The following ST7L variants were observed in gnomAD, a reference collection of about 807,000 sequenced individuals.
ST7L encodes the protein suppressor of tumorigenicity 7 protein-like.
A neutral mutation model predicts 72.5 loss-of-function variants in ST7L; 57 were observed. The ratio of observed to expected loss-of-function variants is 0.79; its 90% CI spans 0.64 to 0.98. The LOEUF (loss-of-function observed/expected upper bound fraction) is 0.98. Among genes scored for constraint, ST7L ranks in the 50% least tolerant of loss-of-function variants. The probability of loss-of-function intolerance (pLI) is 0.00; values close to 1 mark genes in which losing one functional copy is unlikely to be tolerated. For synonymous variants in ST7L, 221 were observed against 240.9 expected (o/e 0.92, Z 0.77); for missense variants, 576 against 672.2 (o/e 0.86, Z 1.58).
intron 10 of ST7L, 46 bp from the exon 11 acceptor site, chr1:112,577,134 GA>G (rs762740227): frequency 9.4e-5 from 119 of 1,263,972 alleles, no homozygotes; most frequent in African/African-American, 3.4e-4. Flanking sequence ...CTAAAAAAAA[GA>G]AAAAAAGTAT....
At chr1:112,520,404 C>A, downstream of ST7L, 7 of 1,614,164 alleles carry the variant, frequency 4.3e-6, no homozygotes, top group Non-Finnish European at 5.9e-6. Flanking sequence ...AGTGTGAGTG[C>A]AAATTCCACT....
chr1:112,603,950 G>T (rs889756639), intron 3 of ST7L, among the ~76,000 whole-genome samples: 1 of 152,100 alleles, frequency 6.6e-6, no homozygotes, highest in African/African-American at 2.4e-5. Context: ...TGAATTTTGG[G>T]GAACACAATT....
chr1:112,614,296 G>C (rs1351865295), intron 2 of ST7L, among the ~76,000 whole-genome samples: 3 of 152,102 alleles, frequency 2.0e-5, no homozygotes, highest in African/African-American at 7.2e-5. Flanking sequence ...TGCCCAGGCT[G>C]GTCTCAAACT....
At chr1:112,579,409 A>G (rs1663746409) in intron 9 of ST7L, among the ~76,000 whole-genome samples, 1 of 151,260 alleles carries the variant, frequency 6.6e-6, no homozygotes, top group African/African-American at 2.4e-5. Context: ...AACAATAAAA[A>G]AAAAACCTGC....
At chr1:112,560,654 T>C (rs1659962873) in intron 11 of ST7L, among the ~76,000 whole-genome samples, 1 of 152,002 alleles carries the variant, frequency 6.6e-6, no homozygotes, top group Non-Finnish European at 1.5e-5. Flanking sequence ...CATATTACAC[T>C]AAAAGCAAGT....
intron 11 of ST7L, among the ~76,000 whole-genome samples, chr1:112,575,216 G>A (rs951029869): frequency 1.3e-5 from 2 of 152,160 alleles, no homozygotes; most frequent in Non-Finnish European, 2.9e-5. Context: ...TCCAGCTTGG[G>A]CGAAAGCAAA....
At chr1:112,542,169 T>C (rs1656208660) in intron 13 of ST7L, 79 bp from the exon 14 acceptor site, 1 of 1,373,408 alleles carries the variant, frequency 7.3e-7, no homozygotes, top group Non-Finnish European at 9.7e-7. Flanking sequence ...AAATGAAATC[T>C]GTTTTTAAAA....
chr1:112,582,605 G>A (rs2101882675), intron 7 of ST7L, 133 bp from the exon 8 acceptor site: 1 of 523,390 alleles, frequency 1.9e-6, no homozygotes, highest in East Asian at 3.0e-5. Flanking sequence ...CAGAATGGAA[G>A]AATATTAATG....
chr1:112,581,946 A>G (rs765488837), intron 9 of ST7L, 46 bp downstream of exon 9: 1 of 1,232,576 alleles, frequency 8.1e-7, no homozygotes, highest in Non-Finnish European at 1.2e-6. Context: ...TAATTACATA[A>G]TTGGAAAAGA....
chr1:112,607,183 G>A (rs1668376201), intron 3 of ST7L: 1 of 152,074 alleles, frequency 6.6e-6, no homozygotes, highest in South Asian at 2.1e-4. Context: ...ACCTAGTAAG[G>A]AGAGAGTATG....
chr1:112,523,708 T>A lies in ST7L; in HGVS notation c.*2305A>T, dbSNP rs1653008418. On this transcript the variant is annotated 3_prime_UTR_variant, in exon 15 of 15. Transcript: ENST00000358039. ...CCTGTTGGTACTCATTTCTTCTAACTTTTAATAAACATTTAGGTATAATAC... is the reference window on the plus strand; with the variant it reads ...CCTGTTGGTACTCATTTCTTCTAACATTTAATAAACATTTAGGTATAATAC... The A allele has an allele frequency of 1.3e-5, 2 of 152,192 alleles. No individual in the cohort carries two copies. The highest frequency in any genetic ancestry group is 1.5e-5 in the Non-Finnish European group (1 of 68,044). 9.4% of individuals were successfully genotyped at this position (152,192 alleles called of 1,614,324 possible).
intron 4 of ST7L, among the ~76,000 whole-genome samples, chr1:112,599,073 A>AAAAT (rs1190968815): frequency 5.3e-5 from 3 of 56,998 alleles, no homozygotes; most frequent in African/African-American, 1.4e-4. Context: ...AAAAAAAAAA[A>AAAAT]ATATATATAT....
intron 11 of ST7L, among the ~76,000 whole-genome samples, chr1:112,575,836 G>A (rs1663011690): frequency 6.6e-6 from 1 of 152,048 alleles, no homozygotes; most frequent in South Asian, 2.1e-4. Context: ...ATGAGAGAAT[G>A]GTATAAATAT....
chr1:112,578,905 G>T (rs1366390561), intron 9 of ST7L, among the ~76,000 whole-genome samples: 1 of 152,234 alleles, frequency 6.6e-6, no homozygotes, highest in African/African-American at 2.4e-5. Context: ...ACCCGTATAT[G>T]AAGTTGAAAA....
intron 11 of ST7L, among the ~76,000 whole-genome samples, chr1:112,574,180 G>A (rs1438757141): frequency 1.4e-5 from 2 of 145,566 alleles, no homozygotes; most frequent in Non-Finnish European, 3.0e-5. Context: ...GCCTCCCAAA[G>A]TGCTGGGATT....
intron 2 of ST7L, among the ~76,000 whole-genome samples, chr1:112,611,217 G>C (rs1253470194): frequency 6.6e-6 from 1 of 152,174 alleles, no homozygotes; most frequent in Non-Finnish European, 1.5e-5. Context: ...ATTTAGACAA[G>C]CTTAAGCAAA....
rs542928606 is a variant in ST7L at position 112,540,269 on chromosome 1, G to C, written c.1629+1682C>G. The C allele has an allele frequency of 7.1e-6, 7 of 985,344 alleles. No individual in the cohort carries two copies. The South Asian group carries it at 3.3e-4, about 46-fold the overall frequency. The allele number at this position is 985,344 out of a possible 1,614,324, so 61.0% of individuals were successfully genotyped here. ...CCAAGAATCATCTCTCCCATTGCTT[G>C]CCTGTGATCTCACATACACAGTTGC... On this transcript the variant is annotated intron_variant, in intron 14 of 14. Coordinates refer to ENST00000358039, the MANE Select transcript of ST7L (RefSeq NM_017744.5).
At chr1:112,558,979 AAAG>A (rs1659639585) in intron 11 of ST7L, among the ~76,000 whole-genome samples, 2 of 152,216 alleles carry the variant, frequency 1.3e-5, no homozygotes, top group African/African-American at 4.8e-5. Flanking sequence ...GTCATAATAA[AAAG>A]AATACTGAGT....
In ST7L at chr1:112,616,900, C is replaced by CA. The variant is rs1307199360; in HGVS notation, c.206-6dup. ...ATGAATTTAAAAATACAGTCACTGT[C>CA]AAAAGAACAAGAATCAAAGTTTTAA... On this transcript the variant is annotated splice_polypyrimidine_tract_variant and splice_region_variant and intron_variant, in intron 1 of 14. Transcript: ENST00000358039. 6.3e-7 allele frequency: 1 copy of CA among 1,588,662 alleles called. No homozygotes were observed. The highest frequency in any genetic ancestry group is 8.5e-7 in the Non-Finnish European group (1 of 1,170,020).
Sources: gnomAD v4.1 joint callset for allele counts (sites outside exome capture counted in the v4.1 genomes callset) on GRCh38, gnomAD v4.1.1 for gene constraint, MANE v1.5 for transcripts, NCBI Gene and HGNC (gene_info 2026-07-23, HGNC 2026-07-21) for gene names.